Variants in SCFD2 observed in about 807,000 individuals in gnomAD.
SCFD2 encodes the protein sec1 family domain containing 2.
Under a neutral mutation model 58.9 loss-of-function variants are expected in SCFD2, and 54 were observed. The observed-to-expected ratio is 0.92, with a 90% CI of 0.74 to 1.15. The LOEUF is 1.15. Among genes scored for constraint, SCFD2 ranks in the 50% most tolerant of loss-of-function variants. The probability of loss-of-function intolerance (pLI) is 0.00; values close to 1 mark genes in which losing one functional copy is unlikely to be tolerated. For synonymous variants in SCFD2, 321 were observed against 335.9 expected (o/e 0.96, Z 0.49); for missense variants, 805 against 836.6 (o/e 0.96, Z 0.47).
chr4:53,330,534 C>A (rs548445993), intron 2 of SCFD2, among the ~76,000 whole-genome samples: 3 of 152,220 alleles, frequency 2.0e-5, no homozygotes, highest in East Asian at 3.9e-4. Flanking sequence ...ACTTTACAGA[C>A]AAGCAAATGC....
chr4:53,190,821 A>G (rs1489326860), intron 4 of SCFD2, among the ~76,000 whole-genome samples: 1 of 146,954 alleles, frequency 6.8e-6, no homozygotes, highest in Non-Finnish European at 1.5e-5. Context: ...AGATTTTCCA[A>G]TCAAATAAAC....
intron 5 of SCFD2, among the ~76,000 whole-genome samples, chr4:53,016,985 A>G (rs1322074477): frequency 6.6e-6 from 1 of 152,124 alleles, no homozygotes; most frequent in East Asian, 1.9e-4. Context: ...GTGCACACCT[A>G]TAATCGCAGC....
intron 5 of SCFD2, among the ~76,000 whole-genome samples, chr4:53,119,076 G>A (rs1026221906): frequency 1.3e-5 from 2 of 152,102 alleles, no homozygotes; most frequent in African/African-American, 4.8e-5. Context: ...CCAGCACATT[G>A]GGAAGCCGAG....
chr4:53,188,606 G>A (rs1304460851), intron 4 of SCFD2, among the ~76,000 whole-genome samples: 1 of 152,102 alleles, frequency 6.6e-6, no homozygotes, highest in Non-Finnish European at 1.5e-5. Context: ...TAGATTGCAC[G>A]TTCATTCATT....
At chr4:53,164,705 T>C (rs1461015378) in intron 4 of SCFD2, among the ~76,000 whole-genome samples, 1 of 147,064 alleles carries the variant, frequency 6.8e-6, no homozygotes, top group Admixed American at 7.0e-5. Flanking sequence ...GGCAGGAGAA[T>C]CACTTGAACC....
intron 7 of SCFD2, among the ~76,000 whole-genome samples, chr4:52,899,649 A>C (rs927214949): frequency 2.6e-5 from 4 of 152,014 alleles, no homozygotes; most frequent in Non-Finnish European, 4.4e-5. Flanking sequence ...CTTCTCGAGG[A>C]GTATCTTTGT....
intron 1 of SCFD2, among the ~76,000 whole-genome samples, chr4:53,356,366 C>T (rs1734398831): frequency 6.6e-6 from 1 of 152,220 alleles, no homozygotes; most frequent in Non-Finnish European, 1.5e-5. Context: ...CTAGCCCACA[C>T]TCAAGGGCAG....
rs537524679 is a variant in SCFD2 at position 53,353,688 on chromosome 4, T to G, written c.839-922A>C. 2.6e-5 allele frequency among the ~76,000 whole-genome samples: 4 copies of G among 152,194 alleles called. No individual in the cohort carries two copies. In the South Asian group the frequency reaches 8.3e-4, roughly 32 times the overall value. ...ATTGGTGCATTTACAATCCTTTAGC[T>G]AGACACGAAAGTTTTCCAAGTCCCC... On this transcript the variant is annotated intron_variant, in intron 1 of 8. Transcript: ENST00000401642.
chr4:53,258,538 G>GTGTATATATATA (rs1360142906), intron 4 of SCFD2, among the ~76,000 whole-genome samples: 4 of 119,936 alleles, frequency 3.3e-5, no homozygotes, highest in African/African-American at 6.8e-5. Flanking sequence ...TGGTGTGTGT[G>GTGTATATATATA]TATATATATA....
chr4:53,316,901 A>G (rs1560443986), intron 2 of SCFD2, among the ~76,000 whole-genome samples: 2 of 152,076 alleles, frequency 1.3e-5, no homozygotes, highest in Admixed American at 1.3e-4. Flanking sequence ...CAAGGTCAGG[A>G]GTTTGAAACC....
chr4:53,177,981 T>C (rs1323911039), intron 4 of SCFD2, among the ~76,000 whole-genome samples: 1 of 152,078 alleles, frequency 6.6e-6, no homozygotes. Flanking sequence ...TTCGGGTTAG[T>C]TGTTTGATTA....
intron 4 of SCFD2, among the ~76,000 whole-genome samples, chr4:53,189,793 C>T (rs1360497374): frequency 1.3e-5 from 2 of 152,148 alleles, no homozygotes; most frequent in Non-Finnish European, 2.9e-5. Flanking sequence ...TCTATGCTAC[C>T]TCCAAGCAGA....
intron 5 of SCFD2, among the ~76,000 whole-genome samples, chr4:53,043,581 C>T (rs1453616350): frequency 6.6e-6 from 1 of 152,034 alleles, no homozygotes; most frequent in Non-Finnish European, 1.5e-5. Context: ...AGGGTCAGAG[C>T]AGTGGAAGGT....
chr4:53,080,043 T>C (rs1489828346), intron 5 of SCFD2, among the ~76,000 whole-genome samples: 1 of 152,216 alleles, frequency 6.6e-6, no homozygotes, highest in Non-Finnish European at 1.5e-5. Flanking sequence ...TATATATTTG[T>C]TTAAAGGTAA....
At chr4:53,001,637 G>A (rs868116984) in intron 5 of SCFD2, among the ~76,000 whole-genome samples, 1 of 152,208 alleles carries the variant, frequency 6.6e-6, no homozygotes, top group African/African-American at 2.4e-5. Flanking sequence ...TGAAATAGGT[G>A]TATAGGACAA....
At position 53,054,860 on chromosome 4, in the gene SCFD2, C is replaced by T. The variant is rs150421403; in HGVS notation, c.1561+90473G>A. ...GTAGAGACAAGATCTCCCTATGTTG[C>T]CTGGACTGGTTTCAAACTCCCGGGT... On this transcript the variant is annotated intron_variant, in intron 5 of 8. Coordinates refer to ENST00000401642, the MANE Select transcript of SCFD2 (RefSeq NM_152540.4). 6.6e-5 allele frequency among the ~76,000 whole-genome samples: 10 copies of T among 152,152 alleles called. No homozygotes were observed. In the East Asian group the frequency reaches 1.7e-3, roughly 27 times the overall value.
At chr4:53,085,366 T>C (rs745834875) in intron 5 of SCFD2, among the ~76,000 whole-genome samples, 4 of 152,052 alleles carry the variant, frequency 2.6e-5, no homozygotes, top group Non-Finnish European at 5.9e-5. Context: ...TATAAAACAC[T>C]GATGAAGGAA....
chr4:53,339,949 A>C (rs1473653772), intron 2 of SCFD2, among the ~76,000 whole-genome samples: 2 of 152,166 alleles, frequency 1.3e-5, no homozygotes, highest in East Asian at 3.8e-4. Flanking sequence ...TTGTTAAATG[A>C]TCTAAATATA....
intron 5 of SCFD2, among the ~76,000 whole-genome samples, chr4:53,090,020 T>C (rs1724426371): frequency 6.6e-6 from 1 of 152,318 alleles, no homozygotes; most frequent in East Asian, 1.9e-4. Context: ...AGAACTTTGC[T>C]TTGGTAATAA....
Sources: gnomAD v4.1 joint callset for allele counts (sites outside exome capture counted in the v4.1 genomes callset) on GRCh38, gnomAD v4.1.1 for gene constraint, MANE v1.5 for transcripts, NCBI Gene and HGNC (gene_info 2026-07-23, HGNC 2026-07-21) for gene names.